The following PTPRF variants were observed in gnomAD, a reference collection of about 807,000 sequenced individuals.
PTPRF encodes protein tyrosine phosphatase receptor type F, also known as receptor-type tyrosine-protein phosphatase F.
A neutral mutation model predicts 201.8 loss-of-function variants in PTPRF; 59 were observed. That is an observed-to-expected ratio of 0.29 (90% confidence interval 0.24 to 0.36). The LOEUF is 0.36. Among genes scored for constraint, PTPRF ranks in the 10% least tolerant of loss-of-function variants. The pLI is 1.00. For missense variants in PTPRF, 2,132 were observed against 2,690.5 expected (o/e 0.79, Z 4.59); for synonymous variants, 1,088 against 1,089.7 (o/e 1.00, Z 0.03).
intron 5 of PTPRF, among the ~76,000 whole-genome samples, chr1:43,558,429 C>T (rs1224778158): frequency 1.3e-5 from 2 of 152,072 alleles, no homozygotes; most frequent in African/African-American, 2.4e-5. Context: ...CTTTGCACCT[C>T]GCATCTGAGC....
At chr1:43,529,284 C>T (rs1443245915), upstream of PTPRF, among the ~76,000 whole-genome samples, 2 of 152,196 alleles carry the variant, frequency 1.3e-5, no homozygotes, top group African/African-American at 4.8e-5. Context: ...CCAGTCCCAT[C>T]CCCTCCTCAT....
intron 20 of PTPRF, 134 bp from the exon 21 acceptor site, chr1:43,606,680 G>C: frequency 7.6e-7 from 1 of 1,320,266 alleles, no homozygotes; most frequent in South Asian, 1.4e-5. Context: ...AGTCCTGCCA[G>C]GTCCACCTTG....
At chr1:43,552,061 T>G (rs879730500) in intron 3 of PTPRF, among the ~76,000 whole-genome samples, 2 of 152,082 alleles carry the variant, frequency 1.3e-5, no homozygotes, top group Non-Finnish European at 2.9e-5. Context: ...CCCTCTCTGC[T>G]GGCTCCCATC....
intron 7 of PTPRF, among the ~76,000 whole-genome samples, chr1:43,580,340 G>T (rs1647275261): frequency 6.6e-6 from 1 of 152,192 alleles, no homozygotes; most frequent in Non-Finnish European, 1.5e-5. Flanking sequence ...TGTCTGTCAT[G>T]GGAGAGGGTG....
intron 2 of PTPRF, among the ~76,000 whole-genome samples, chr1:43,544,820 C>G (rs1197224707): frequency 6.6e-6 from 1 of 151,940 alleles, no homozygotes; most frequent in Non-Finnish European, 1.5e-5. Context: ...GTTGGGCTGT[C>G]CTTGTGGGTG....
chr1:43,563,004 C>T (rs550345935), intron 5 of PTPRF, among the ~76,000 whole-genome samples: 1 of 151,658 alleles, frequency 6.6e-6, no homozygotes, highest in South Asian at 2.1e-4. Flanking sequence ...ATAGTGAAAC[C>T]CCGTCTCTAC....
At chr1:43,540,454 G>A (rs1318763130) in intron 2 of PTPRF, among the ~76,000 whole-genome samples, 2 of 152,246 alleles carry the variant, frequency 1.3e-5, no homozygotes, top group African/African-American at 2.4e-5. Context: ...CAGAGGCTTG[G>A]AGGCACAAAG....
chr1:43,531,829 GCGTCCCGTCC>G (rs369861722), intron 1 of PTPRF, among the ~76,000 whole-genome samples: 5 of 152,236 alleles, frequency 3.3e-5, no homozygotes, highest in Non-Finnish European at 5.9e-5. Flanking sequence ...TGGCCGCCCC[GCGTCCCGTCC>G]CGTCCCGTCC....
intron 5 of PTPRF, among the ~76,000 whole-genome samples, chr1:43,565,179 A>G (rs936905474): frequency 1.3e-5 from 2 of 152,064 alleles, no homozygotes; most frequent in African/African-American, 2.4e-5. Flanking sequence ...CAAGATAGCA[A>G]GTGAGCTGTG....
chr1:43,597,122 C>T (rs1468235716), intron 11 of PTPRF, among the ~76,000 whole-genome samples: 5 of 151,380 alleles, frequency 3.3e-5, no homozygotes, highest in African/African-American at 7.3e-5. Flanking sequence ...GTGAGAGACA[C>T]GTGTGAGACA....
At chr1:43,549,135 G>A (rs1317950981) in intron 3 of PTPRF, among the ~76,000 whole-genome samples, 2 of 152,224 alleles carry the variant, frequency 1.3e-5, no homozygotes, top group African/African-American at 4.8e-5. Context: ...CGCTCTCGTG[G>A]GGTGTCAGGC....
rs117760230 is a variant in PTPRF, at chr1:43,543,227, C to T, written c.-45-1804C>T. ...CTCATAGTCCACCACCTGATGGCCG[C>T]TGGGAAGGTGCTCCATCGTTGGCTG... is the stretch of plus-strand genomic sequence containing the variant. On this transcript the variant is annotated intron_variant, in intron 2 of 33. Coordinates refer to ENST00000359947, the MANE Select transcript of PTPRF (RefSeq NM_002840.5). 1.4e-4 allele frequency among the ~76,000 whole-genome samples: 22 copies of T among 152,344 alleles called. No homozygotes were observed. In the East Asian group the frequency reaches 2.3e-3, roughly 16 times the overall value.
chr1:43,591,980 T>A, intron 10 of PTPRF, 32 bp downstream of exon 10: 1 of 1,610,204 alleles, frequency 6.2e-7, no homozygotes, highest in Non-Finnish European at 8.5e-7. Flanking sequence ...ACTGAGGGGG[T>A]CTCCTGGTCC....
intron 16 of PTPRF, among the ~76,000 whole-genome samples, chr1:43,604,515 A>G (rs528400946): frequency 3.9e-5 from 6 of 152,210 alleles, no homozygotes; most frequent in Non-Finnish European, 7.4e-5. Flanking sequence ...TCTTGGGGCC[A>G]TGACCCACCG....
At chr1:43,597,363 TGA>T (rs940432318) in intron 11 of PTPRF, among the ~76,000 whole-genome samples, 51 of 152,116 alleles carry the variant, frequency 3.4e-4, no homozygotes, top group African/African-American at 1.2e-3. Context: ...TGTGACACTG[TGA>T]GAGACACTGT....
chr1:43,607,062 TG>T, intron 21 of PTPRF, 94 bp downstream of exon 21: 6 of 1,501,990 alleles, frequency 4.0e-6, no homozygotes, highest in Non-Finnish European at 5.4e-6. Flanking sequence ...CGTGCAGCCT[TG>T]CATCCTGGAC....
chr1:43,615,203 G>C (rs550239117), intron 23 of PTPRF, among the ~76,000 whole-genome samples: 34 of 152,288 alleles, frequency 2.2e-4, no homozygotes, highest in African/African-American at 6.5e-4. Context: ...GTATGTCTGC[G>C]GCACAGCAAC....
chr1:43,612,190 A>G (rs1190418116), intron 22 of PTPRF, among the ~76,000 whole-genome samples: 1 of 152,078 alleles, frequency 6.6e-6, no homozygotes, highest in East Asian at 1.9e-4. Context: ...ACCCAGTGGG[A>G]GGACCGTTGG....
chr1:43,561,829 G>A (rs770885102), intron 5 of PTPRF, among the ~76,000 whole-genome samples: 5 of 152,152 alleles, frequency 3.3e-5, no homozygotes, highest in Admixed American at 6.5e-5. Flanking sequence ...ATTCCCTTCC[G>A]AATGGGTGCT....
Sources: allele counts gnomAD v4.1 joint callset (sites outside exome capture counted in the v4.1 genomes callset), GRCh38; gene constraint gnomAD v4.1.1; transcripts MANE v1.5; gene names NCBI Gene and HGNC (gene_info 2026-07-23, HGNC 2026-07-21).